Variants in NAV3 observed in about 807,000 individuals in gnomAD.
NAV3 encodes the protein pore membrane and/or filament interacting like protein 1.
Under a neutral mutation model 244.7 loss-of-function variants are expected in NAV3, and 87 were observed. That is an observed-to-expected ratio of 0.36 (90% confidence interval 0.30 to 0.42). The LOEUF is 0.42. NAV3 is among the 20% of genes least tolerant of loss of function. The pLI is 1.00. For missense variants in NAV3, 2,663 were observed against 2,893.3 expected, an observed-to-expected ratio of 0.92 and a Z score of 1.83; for synonymous variants, 1,126 against 1,042.2, an observed-to-expected ratio of 1.08 and a Z score of -1.55.
chr12:77,709,967 G>A (rs1876027471), intron 2 of NAV3, among the ~76,000 whole-genome samples: 1 of 152,112 alleles, frequency 6.6e-6, no homozygotes, highest in African/African-American at 2.4e-5. Context: ...GAGCTATTAT[G>A]GAATCATAAA....
intron 2 of NAV3, among the ~76,000 whole-genome samples, chr12:77,798,205 A>C (rs888645438): frequency 1.3e-5 from 2 of 152,076 alleles, no homozygotes; most frequent in Non-Finnish European, 2.9e-5. Context: ...ACAACAACAA[A>C]AAAACCCCAA....
intron 2 of NAV3, among the ~76,000 whole-genome samples, chr12:77,668,090 G>A (rs919370267): frequency 6.6e-6 from 1 of 152,138 alleles, no homozygotes; most frequent in Admixed American, 6.6e-5. Context: ...GGGGAAAGGG[G>A]AGACCACCAC....
chr12:77,661,699 T>C (rs1727859), intron 2 of NAV3, among the ~76,000 whole-genome samples: 36,030 of 151,980 alleles, frequency 0.24, 6,460 homozygotes, highest in African/African-American at 0.5. Flanking sequence ...AAATATAATC[T>C]ATTTTGAAGT....
At chr12:77,945,237 T>C (rs1444863054) in intron 3 of NAV3, among the ~76,000 whole-genome samples, 1 of 151,824 alleles carries the variant, frequency 6.6e-6, no homozygotes, top group East Asian at 1.9e-4. Flanking sequence ...TTCAGAGGAA[T>C]GAAGTGGTAA....
At chr12:78,064,421 G>GCC (rs1566082100) in intron 12 of NAV3, among the ~76,000 whole-genome samples, 12 of 145,410 alleles carry the variant, frequency 8.3e-5, no homozygotes, top group South Asian at 2.3e-4. Flanking sequence ...CTGTCTGTCT[G>GCC]TCTGTCTGCC....
At chr12:77,915,007 TA>T (rs374864376) in intron 1 of NAV3, among the ~76,000 whole-genome samples, 9 of 152,150 alleles carry the variant, frequency 5.9e-5, no homozygotes, top group African/African-American at 2.2e-4. Context: ...AATACATATT[TA>T]AGTGATATGT....
chr12:78,106,405 A>T lies in NAV3; in HGVS notation c.2637-10367A>T, dbSNP rs1197659340. Among the ~76,000 whole-genome samples, 4 of 152,350 alleles carry T rather than the reference A, an allele frequency of 2.6e-5. No homozygotes were observed. In the East Asian group the frequency reaches 7.7e-4, roughly 29 times the overall value. On this transcript the variant is annotated intron_variant, in intron 12 of 39. Coordinates refer to ENST00000397909, the MANE Select transcript of NAV3 (RefSeq NM_001024383.2). ...ACCAGGAATTACAGACCATTGCTGA[A>T]ATAAATGAAAGAAGACCAATATATG...
chr12:77,621,532 A>G (rs1378778532), intron 2 of NAV3, among the ~76,000 whole-genome samples: 1 of 149,432 alleles, frequency 6.7e-6, no homozygotes, highest in Non-Finnish European at 1.5e-5. Flanking sequence ...CCAGGCTGGA[A>G]TACAGTGGTG....
At chr12:77,668,588 G>T (rs1194235454) in intron 2 of NAV3, among the ~76,000 whole-genome samples, 3 of 151,702 alleles carry the variant, frequency 2.0e-5, no homozygotes, top group Non-Finnish European at 4.4e-5. Context: ...CAAAGACAAA[G>T]AAAAAAGAAT....
intron 2 of NAV3, among the ~76,000 whole-genome samples, chr12:77,659,140 A>G (rs1487573281): frequency 3.9e-5 from 6 of 151,978 alleles, no homozygotes; most frequent in African/African-American, 1.5e-4. Flanking sequence ...GCTTCTGCAC[A>G]GCAAAAGAAA....
At chr12:77,730,556 A>G (rs187211352) in intron 2 of NAV3, among the ~76,000 whole-genome samples, 17 of 152,028 alleles carry the variant, frequency 1.1e-4, no homozygotes, top group African/African-American at 3.4e-4. Context: ...TTTATTGAGC[A>G]TTGTTATGTG....
chr12:77,957,373 C>A (rs1159837484), intron 3 of NAV3, among the ~76,000 whole-genome samples: 1 of 152,112 alleles, frequency 6.6e-6, no homozygotes, highest in East Asian at 1.9e-4. Context: ...GATTTAATCA[C>A]AAACTATAAG....
chr12:77,729,040 A>G (rs1877010036), intron 2 of NAV3, among the ~76,000 whole-genome samples: 1 of 152,022 alleles, frequency 6.6e-6, no homozygotes, highest in African/African-American at 2.4e-5. Context: ...TTGTATTGTA[A>G]GAATATAGTA....
chr12:78,133,449 A>G (rs1387764534), intron 18 of NAV3, among the ~76,000 whole-genome samples: 1 of 151,450 alleles, frequency 6.6e-6, no homozygotes, highest in Non-Finnish European at 1.5e-5. Flanking sequence ...GTCTTTTAGC[A>G]TCACCCATTT....
rs998854998 is a variant in NAV3 at position 77,971,585 on chromosome 12, T to C, written c.671+2883T>C. ...CAAAAGGCCACAATGATAATATACA[T>C]AGGAACATAATGTAGTATCTATGGG... On this transcript the variant is annotated intron_variant, in intron 5 of 39. Transcript: ENST00000397909. 3.9e-5 allele frequency among the ~76,000 whole-genome samples: 6 copies of C among 152,116 alleles called. No individual in the cohort carries two copies. In the East Asian group the frequency reaches 1.2e-3, roughly 29 times the overall value.
At chr12:77,861,537 G>A (rs748953482) in intron 1 of NAV3, among the ~76,000 whole-genome samples, 40 of 151,928 alleles carry the variant, frequency 2.6e-4, no homozygotes, top group Middle Eastern at 3.4e-3. Context: ...AAAAAATGAA[G>A]CAGAGACAGT....
At chr12:77,698,593 A>G (rs369114515) in intron 2 of NAV3, among the ~76,000 whole-genome samples, 6 of 152,198 alleles carry the variant, frequency 3.9e-5, no homozygotes, top group African/African-American at 1.4e-4. Flanking sequence ...TAGATTAAGT[A>G]GATTCAAAGT....
intron 26 of NAV3, among the ~76,000 whole-genome samples, chr12:78,176,933 G>A (rs969298756): frequency 1.3e-5 from 2 of 151,960 alleles, no homozygotes; most frequent in Non-Finnish European, 2.9e-5. Context: ...CCATGTTTGC[G>A]CTGCGCTGGA....
chr12:77,998,718 C>T (rs1401345153), intron 7 of NAV3, among the ~76,000 whole-genome samples: 3 of 152,160 alleles, frequency 2.0e-5, no homozygotes, highest in Admixed American at 6.5e-5. Context: ...TACTGTTTCT[C>T]AAAAACAGGT....
Sources: allele counts gnomAD v4.1 joint callset (sites outside exome capture counted in the v4.1 genomes callset), GRCh38; gene constraint gnomAD v4.1.1; transcripts MANE v1.5; gene names NCBI Gene and HGNC (gene_info 2026-07-23, HGNC 2026-07-21).